The following SFT2D2 variants were observed in gnomAD, a reference collection of about 807,000 sequenced individuals.
The protein encoded by SFT2D2 is vesicle transport protein SFT2B.
SFT2D2 carries 21 observed loss-of-function variants against 27.4 expected under a neutral mutation model. The observed-to-expected ratio is 0.77, with a 90% CI of 0.54 to 1.10. The LOEUF is 1.10. Ranked by LOEUF, SFT2D2 falls within the 50% of genes least tolerant of loss-of-function variation. SFT2D2 has a pLI of 0.00. For missense variants in SFT2D2, 187 were observed against 194.2 expected, an observed-to-expected ratio of 0.96 and a Z score of 0.22; for synonymous variants, 72 against 71.7, an observed-to-expected ratio of 1.00 and a Z score of -0.02.
Position 168,245,030 on chromosome 1 carries a change from G to A in SFT2D2, c.*2490G>A, listed in dbSNP as rs1647772094. On this transcript the variant is annotated 3_prime_UTR_variant, in exon 8 of 8. Transcript: ENST00000271375. Reference sequence around the variant, plus strand: ...CCCCTAAGATTGAGAATAAGACAGAGATGTCAACTCTTACCACTTCTATTC... The same window carrying A: ...CCCCTAAGATTGAGAATAAGACAGAAATGTCAACTCTTACCACTTCTATTC... 1 of 152,186 alleles carries A rather than the reference G, an allele frequency of 6.6e-6. No individual in the cohort carries two copies. The highest frequency in any genetic ancestry group is 1.5e-5 in the Non-Finnish European group (1 of 68,036). 9.4% of individuals were successfully genotyped at this position (152,186 alleles called of 1,614,324 possible).
chr1:168,237,219 C>A (rs1374445856), intron 6 of SFT2D2, among the ~76,000 whole-genome samples: 1 of 152,138 alleles, frequency 6.6e-6, no homozygotes, highest in African/African-American at 2.4e-5. Context: ...AACAGAAGGA[C>A]AAAGAGTGAA....
At chr1:168,240,161 CGAGACTCTGTCTCA>C (rs1353456630) in intron 7 of SFT2D2, among the ~76,000 whole-genome samples, 1 of 124,854 alleles carries the variant, frequency 8.0e-6, no homozygotes, top group Non-Finnish European at 1.6e-5. Flanking sequence ...GGCGACAGAG[CGAGACTCTGTCTCA>C]AAAAAAAAAA....
Position 168,244,760 on chromosome 1 carries a change from C to G in SFT2D2, c.*2220C>G, listed in dbSNP as rs1487193183. 6.6e-6 allele frequency: 1 copy of G among 152,158 alleles called. No individual in the cohort carries two copies. The highest frequency in any genetic ancestry group is 2.4e-5 in the African/African-American group (1 of 41,420). 9.4% of individuals were successfully genotyped at this position (152,158 alleles called of 1,614,324 possible). ...GGCTCATGGTTCCTTTTCTTTAGAA[C>G]TGATACGAGGCTTGGCTAGTCACTG... On this transcript the variant is annotated 3_prime_UTR_variant, in exon 8 of 8. Transcript: ENST00000271375.
At chr1:168,236,937 A>G (rs531532750) in intron 6 of SFT2D2, among the ~76,000 whole-genome samples, 167 bp downstream of exon 6, 60 of 152,346 alleles carry the variant, frequency 3.9e-4, no homozygotes, top group Admixed American at 9.1e-4. Flanking sequence ...GCAAATGCCT[A>G]TCAACCCAGC....
chr1:168,231,980 T>C (rs1210285059), intron 3 of SFT2D2, 61 bp downstream of exon 3: 16 of 1,467,736 alleles, frequency 1.1e-5, no homozygotes. Context: ...GGATGTTGGT[T>C]GCCCTTGAGG....
At position 168,248,309 on chromosome 1, in the gene SFT2D2, C is replaced by G. The variant is rs984164700; in HGVS notation, c.*5769C>G. 6.6e-6 allele frequency: 1 copy of G among 152,134 alleles called. No individual in the cohort carries two copies. Among genetic ancestry groups the G allele is most frequent in the African/African-American group, 2.4e-5 (1 of 41,416 alleles). 9.4% of individuals were successfully genotyped at this position (152,134 alleles called of 1,614,324 possible). On this transcript the variant is annotated 3_prime_UTR_variant, in exon 8 of 8. Transcript: ENST00000271375. ...AGGGTTTTTATGGTTTTGGGTCTTA[C>G]GTTTAAGACTTCCTCTTTTCCTAAT...
rs1378398504 is a variant in SFT2D2, at chr1:168,231,901, A to G, written c.218A>G (p.Asn73Ser). The G allele has an allele frequency of 1.2e-6, 2 of 1,614,024 alleles. No homozygotes were observed. Among genetic ancestry groups the G allele is most frequent in the Non-Finnish European group, 8.5e-7 (1 of 1,180,006 alleles). ...HLFAVFYTFG[N>S]IASIGSTIFL... Reference sequence around the variant, plus strand: ...TTCGCAGTGTTTTATACCTTTGGTAATATCGCATCAATTGGGAGGTAACTG... The same window carrying G: ...TTCGCAGTGTTTTATACCTTTGGTAGTATCGCATCAATTGGGAGGTAACTG... Residue 73 changes from asparagine to serine, a missense_variant, in exon 3 of 8, where the codon AAT becomes AGT. Asn to Ser is a conservative substitution (Grantham distance 46). Transcript: ENST00000271375.
intron 1 of SFT2D2, among the ~76,000 whole-genome samples, chr1:168,229,162 A>G (rs1700488256): frequency 6.6e-6 from 1 of 152,178 alleles, no homozygotes; most frequent in African/African-American, 2.4e-5. Context: ...GGTAGAAACC[A>G]GAAACACATT....
At position 168,246,054 on chromosome 1, in the gene SFT2D2, TTTG is replaced by T. The variant is rs1301901462; in HGVS notation, c.*3521_*3523del. 1 of 229,080 alleles carries T rather than the reference TTTG, an allele frequency of 4.4e-6. No homozygotes were observed. Among genetic ancestry groups the T allele is most frequent in the African/African-American group, 2.4e-5 (1 of 42,028 alleles). 14.2% of individuals were successfully genotyped at this position (229,080 alleles called of 1,614,324 possible). A position where few individuals can be genotyped will look rare whatever the true frequency, so the allele number is the denominator to read the frequency against. On this transcript the variant is annotated 3_prime_UTR_variant, in exon 8 of 8. Coordinates refer to ENST00000271375, the MANE Select transcript of SFT2D2 (RefSeq NM_199344.3). ...ACGCAATGAAGCATCCAGCAAAGCT[TTTG>T]TTGTTGATTGTTTAGGACGTCACCC...
intron 7 of SFT2D2, among the ~76,000 whole-genome samples, chr1:168,240,768 C>T (rs567965877): frequency 3.8e-4 from 58 of 152,086 alleles, no homozygotes; most frequent in Non-Finnish European, 6.8e-4. Context: ...CAAAATTAAC[C>T]GAGCGTGGTG....
rs1398652061 is a variant in SFT2D2 at position 168,252,449 on chromosome 1, G to A, written c.*9909G>A. On this transcript the variant is annotated 3_prime_UTR_variant, in exon 8 of 8. Coordinates refer to ENST00000271375, the MANE Select transcript of SFT2D2 (RefSeq NM_199344.3). ...ATGTCCATGCTACAAGAAGTTATGAGCCTTGTTCTAAGTACAGATGAACCT... is the reference window on the plus strand; with the variant it reads ...ATGTCCATGCTACAAGAAGTTATGAACCTTGTTCTAAGTACAGATGAACCT... 2.6e-5 allele frequency: 4 copies of A among 152,196 alleles called. No individual in the cohort carries two copies. Among genetic ancestry groups the A allele is most frequent in the Non-Finnish European group, 5.9e-5 (4 of 68,032 alleles). The allele number at this position is 152,196 out of a possible 1,614,324, so 9.4% of individuals were successfully genotyped here. A position where few individuals can be genotyped will look rare whatever the true frequency, so the allele number is the denominator to read the frequency against.
At chr1:168,235,218 G>C in intron 4 of SFT2D2, 36 bp downstream of exon 4, 2 of 1,586,606 alleles carry the variant, frequency 1.3e-6, no homozygotes, top group Non-Finnish European at 8.7e-7. Flanking sequence ...TCTCAGATGG[G>C]AGTTTTTATT....
At position 168,252,602 on chromosome 1, in the gene SFT2D2, A is replaced by G; in HGVS notation, c.*10062A>G. Reference sequence around the variant, plus strand: ...ACCTTAAGTAAGGAAAGGGAAAAAAAAAATAGCCCTCTGAACTCTGATCTT... The same window carrying G: ...ACCTTAAGTAAGGAAAGGGAAAAAAGAAATAGCCCTCTGAACTCTGATCTT... On this transcript the variant is annotated 3_prime_UTR_variant, in exon 8 of 8. Coordinates refer to ENST00000271375, the MANE Select transcript of SFT2D2 (RefSeq NM_199344.3). The G allele has an allele frequency of 6.6e-6, 1 of 152,226 alleles. No homozygotes were observed. Among genetic ancestry groups the G allele is most frequent in the East Asian group, 1.9e-4 (1 of 5,204 alleles). The allele number at this position is 152,226 out of a possible 1,614,324, so 9.4% of individuals were successfully genotyped here.
At chr1:168,236,676 T>C (rs1558176937) in intron 5 of SFT2D2, 36 bp from the exon 6 acceptor site, 1 of 1,613,924 alleles carries the variant, frequency 6.2e-7, no homozygotes, top group Non-Finnish European at 8.5e-7. Flanking sequence ...GCCCCTTGTC[T>C]CACACTCTCC....
At chr1:168,228,784 G>T (rs1330502054) in intron 1 of SFT2D2, among the ~76,000 whole-genome samples, 3 of 152,214 alleles carry the variant, frequency 2.0e-5, no homozygotes, top group African/African-American at 7.2e-5. Flanking sequence ...ATAACTGCCA[G>T]TCAGACTGCC....
chr1:168,235,013 A>G (rs1023672234), intron 3 of SFT2D2, 88 bp from the exon 4 acceptor site: 32 of 1,124,050 alleles, frequency 2.8e-5, no homozygotes, highest in Non-Finnish European at 4.1e-5. Flanking sequence ...GTTAGCTACT[A>G]TTGCCACAGG....
rs539436527 is a variant in SFT2D2, at chr1:168,228,586, T to G, written c.63+2444T>G. Among the ~76,000 whole-genome samples, 187 of 152,368 alleles carry G rather than the reference T, an allele frequency of 1.2e-3. 3 individuals are homozygous for G. The highest frequency in any genetic ancestry group is 6.8e-3 in the Middle Eastern group (2 of 294). ...CTTTCTGAAAGTATAGGTTTTATGT[T>G]TTTTATAAAGGATTCTGGGGACAAG... On this transcript the variant is annotated intron_variant, in intron 1 of 7. Transcript: ENST00000271375.
At chr1:168,236,463 G>C in intron 4 of SFT2D2, 126 bp from the exon 5 acceptor site, 1 of 838,148 alleles carries the variant, frequency 1.2e-6, no homozygotes, top group African/African-American at 1.7e-5. Context: ...TGGGTGCTCA[G>C]GTGGGTTAAC....
intron 6 of SFT2D2, among the ~76,000 whole-genome samples, chr1:168,238,835 G>A (rs1039025535): frequency 1.3e-5 from 2 of 152,210 alleles, no homozygotes; most frequent in African/African-American, 4.8e-5. Flanking sequence ...ATTGTTGCTA[G>A]TTCAAGGTTA....
Sources: gnomAD v4.1 joint callset for allele counts (sites outside exome capture counted in the v4.1 genomes callset) on GRCh38, gnomAD v4.1.1 for gene constraint, MANE v1.5 for transcripts, NCBI Gene and HGNC (gene_info 2026-07-23, HGNC 2026-07-21) for gene names.